The following GLI3 variants were observed in gnomAD, a reference collection of about 807,000 sequenced individuals.
The protein encoded by GLI3 is GLI family zinc finger 3, also known as transcription activator GLI3.
Under a neutral mutation model 100.8 loss-of-function variants are expected in GLI3, and 20 were observed. The observed-to-expected ratio is 0.20, with a 90% CI of 0.14 to 0.29. GLI3 has a LOEUF of 0.29. Ranked by LOEUF, GLI3 falls within the 10% of genes least tolerant of loss-of-function variation. The pLI is 1.00. For synonymous variants in GLI3, 938 were observed against 860.5 expected, an observed-to-expected ratio of 1.09 and a Z score of -1.58; for missense variants, 2,040 against 2,128.5, an observed-to-expected ratio of 0.96 and a Z score of 0.82.
chr7:42,249,848 A>T (rs1214934043), intron 1 of GLI3, among the ~76,000 whole-genome samples: 2 of 152,136 alleles, frequency 1.3e-5, no homozygotes, highest in African/African-American at 4.8e-5. Context: ...TAATCCCAGC[A>T]CTTTGGGAGG....
At chr7:42,251,348 C>T (rs960152396) in intron 1 of GLI3, among the ~76,000 whole-genome samples, 3 of 152,178 alleles carry the variant, frequency 2.0e-5, no homozygotes, top group Admixed American at 2.0e-4. Context: ...AACACAGTTC[C>T]CAATAGGGTT....
chr7:42,180,539 C>T (rs1335485497), intron 2 of GLI3, among the ~76,000 whole-genome samples: 2 of 152,174 alleles, frequency 1.3e-5, no homozygotes, highest in African/African-American at 4.8e-5. Context: ...TCAGGTGACA[C>T]AGGCGGGAGA....
chr7:42,095,166 C>A (rs1785311540), intron 3 of GLI3, among the ~76,000 whole-genome samples: 1 of 152,170 alleles, frequency 6.6e-6, no homozygotes, highest in Admixed American at 6.5e-5. Context: ...CCTCCAAGTT[C>A]CTGCAGAGCT....
intron 4 of GLI3, among the ~76,000 whole-genome samples, chr7:42,051,856 A>G (rs1784359746): frequency 6.6e-6 from 1 of 151,988 alleles, no homozygotes; most frequent in South Asian, 2.1e-4. Context: ...CATCATCGTC[A>G]CCCAAAGTCC....
intron 2 of GLI3, among the ~76,000 whole-genome samples, chr7:42,180,263 T>G: frequency 6.6e-6 from 1 of 152,154 alleles, no homozygotes; most frequent in Non-Finnish European, 1.5e-5. Flanking sequence ...AACTGACCAC[T>G]GGTCTAAGCA....
At chr7:42,042,648 A>T (rs1002012180) in intron 6 of GLI3, among the ~76,000 whole-genome samples, 2 of 152,182 alleles carry the variant, frequency 1.3e-5, no homozygotes, top group Admixed American at 1.3e-4. Flanking sequence ...AGCCCATTTG[A>T]TGCTCTCAAA....
intron 2 of GLI3, among the ~76,000 whole-genome samples, chr7:42,160,184 A>G (rs529595964): frequency 6.6e-6 from 1 of 152,336 alleles, no homozygotes; most frequent in East Asian, 1.9e-4. Flanking sequence ...GCATTTATGA[A>G]AGCTAGGTAC....
chr7:42,218,678 C>T (rs1372243466), intron 2 of GLI3, among the ~76,000 whole-genome samples: 1 of 152,038 alleles, frequency 6.6e-6, no homozygotes, highest in Non-Finnish European at 1.5e-5. Flanking sequence ...TCAAAGTGAA[C>T]AGGGAACTTC....
intron 10 of GLI3, among the ~76,000 whole-genome samples, chr7:42,001,827 A>G (rs781170781): frequency 2.0e-5 from 3 of 152,222 alleles, no homozygotes; most frequent in Non-Finnish European, 4.4e-5. Context: ...TAATTGATAA[A>G]AGCAGAAAGA....
chr7:42,055,788 C>A (rs1466399911), intron 4 of GLI3, among the ~76,000 whole-genome samples: 3 of 152,130 alleles, frequency 2.0e-5, no homozygotes, highest in African/African-American at 7.2e-5. Flanking sequence ...TACAAATTTA[C>A]CATTTGGATT....
chr7:42,020,742 T>A (rs1788911929), intron 10 of GLI3, among the ~76,000 whole-genome samples: 1 of 151,950 alleles, frequency 6.6e-6, no homozygotes, highest in African/African-American at 2.4e-5. Flanking sequence ...TACAAAAAAT[T>A]AGCCGGGCGT....
At position 42,187,210 on chromosome 7, in the gene GLI3, C is replaced by CA. The variant is rs5883817; in HGVS notation, c.124+35919dup. 4.2e-3 allele frequency among the ~76,000 whole-genome samples: 488 copies of CA among 116,788 alleles called. 7 individuals carry two copies. Among genetic ancestry groups the CA allele is most frequent in the South Asian group, 0.015 (56 of 3,710 alleles). The allele number at this position is 116,788 out of a possible 152,430, so 76.6% of individuals were successfully genotyped here. ...TGAGTGACAGAGTGAGACCCTGTCT[C>CA]AAAAAAAAAAAAAAAACATGAAGAA... On this transcript the variant is annotated intron_variant, in intron 2 of 14. Coordinates refer to ENST00000395925, the MANE Select transcript of GLI3 (RefSeq NM_000168.6).
At chr7:42,177,684 G>C (rs1787507928) in intron 2 of GLI3, among the ~76,000 whole-genome samples, 2 of 152,182 alleles carry the variant, frequency 1.3e-5, no homozygotes, top group African/African-American at 2.4e-5. Context: ...AAGACAAACG[G>C]AAGAGTAAAT....
intron 2 of GLI3, among the ~76,000 whole-genome samples, chr7:42,209,224 A>T (rs1017711614): frequency 1.3e-5 from 2 of 151,670 alleles, no homozygotes. Flanking sequence ...TTTTTTAATA[A>T]TTTTTTTGTA....
intron 3 of GLI3, among the ~76,000 whole-genome samples, chr7:42,116,310 T>C (rs566161586): frequency 7.9e-5 from 12 of 152,162 alleles, no homozygotes; most frequent in Admixed American, 1.3e-4. Flanking sequence ...TGTGATGAAA[T>C]GTGGATGCTG....
chr7:41,965,402 C>A lies in GLI3; in HGVS notation c.3671G>T (p.Gly1224Val). 1.2e-6 allele frequency: 2 copies of A among 1,610,486 alleles called. No individual in the cohort carries two copies. Among genetic ancestry groups the A allele is most frequent in the South Asian group, 2.2e-5 (2 of 90,956 alleles). ...QTLGENSNPY[G>V]GPEHLMLHNS... Reference sequence around the variant, plus strand: ...GTGGAGCATCAAGTGCTCTGGGCCACCGTAGGGGTTGCTGTTCTCCCCGAG... The same window carrying A: ...GTGGAGCATCAAGTGCTCTGGGCCAACGTAGGGGTTGCTGTTCTCCCCGAG... The change falls in exon 15 of 15, where the codon GGT (glycine) becomes GTT (valine). Residue 1224 changes from glycine to valine, a missense_variant. Physicochemically the swap from Gly to Val is moderately radical, Grantham distance 109. Around this residue, in one of 5 missense-constraint regions of GLI3, gnomAD observed 1,041 missense variants for 924.0 expected, o/e 1.13. Transcript: ENST00000395925.
chr7:41,997,967 G>A (rs1488085764), intron 10 of GLI3, among the ~76,000 whole-genome samples: 2 of 152,138 alleles, frequency 1.3e-5, no homozygotes, highest in Non-Finnish European at 2.9e-5. Flanking sequence ...GGAAGCTTCT[G>A]CTCTAGGGCA....
intron 2 of GLI3, among the ~76,000 whole-genome samples, chr7:42,208,829 CCA>C (rs1788207397): frequency 1.3e-5 from 2 of 152,128 alleles, no homozygotes; most frequent in South Asian, 2.1e-4. Flanking sequence ...CTTCTGGCTG[CCA>C]CACACATCTT....
At chr7:42,104,043 T>C (rs900545182) in intron 3 of GLI3, among the ~76,000 whole-genome samples, 7 of 152,192 alleles carry the variant, frequency 4.6e-5, no homozygotes, top group African/African-American at 1.7e-4. Flanking sequence ...TCACTGTATC[T>C]CTGAGGACGA....
Sources: gnomAD v4.1 joint callset for allele counts (sites outside exome capture counted in the v4.1 genomes callset) on GRCh38, gnomAD v4.1.1 for gene constraint, gnomAD v4.1.1 regional missense constraint, MANE v1.5 for transcripts, NCBI Gene and HGNC (gene_info 2026-07-23, HGNC 2026-07-21) for gene names.